Variants in ANO3 observed in about 807,000 individuals in gnomAD.
ANO3 encodes anoctamin 3.
ANO3 carries 99 observed loss-of-function variants against 144.8 expected under a neutral mutation model. The ratio of observed to expected loss-of-function variants is 0.68; its 90% confidence interval spans 0.58 to 0.81. The LOEUF (loss-of-function observed/expected upper bound fraction) is 0.81. ANO3 is among the 30% of genes least tolerant of loss of function. ANO3 has a pLI of 0.00. For synonymous variants in ANO3, 414 were observed against 392.6 expected, an observed-to-expected ratio of 1.05 and a Z score of -0.64; for missense variants, 905 against 1,202.2, an observed-to-expected ratio of 0.75 and a Z score of 3.66.
chr11:26,532,832 C>T (rs982825418), intron 8 of ANO3, among the ~76,000 whole-genome samples: 1 of 151,888 alleles, frequency 6.6e-6, no homozygotes, highest in African/African-American at 2.4e-5. Context: ...CATTTTCTAT[C>T]CCAGTATACA....
intron 1 of ANO3, among the ~76,000 whole-genome samples, chr11:26,273,783 G>C (rs1853500050): frequency 6.6e-6 from 1 of 152,072 alleles, no homozygotes; most frequent in South Asian, 2.1e-4. Flanking sequence ...TGATGGAGAT[G>C]ACTGCTTCCA....
At chr11:26,266,909 G>A (rs193240139) in intron 1 of ANO3, among the ~76,000 whole-genome samples, 3,040 of 150,090 alleles carry the variant, frequency 0.02, 47 homozygotes, top group South Asian at 0.041. Context: ...GTGAAACCCC[G>A]TCTCTACTAA....
chr11:26,600,692 A>G (rs999001447), intron 17 of ANO3, among the ~76,000 whole-genome samples: 5 of 133,134 alleles, frequency 3.8e-5, no homozygotes, highest in African/African-American at 1.2e-4. Context: ...TTCTCTTTGC[A>G]TGCCTGCTCT....
intron 17 of ANO3, among the ~76,000 whole-genome samples, chr11:26,609,438 G>A (rs559298667): frequency 3.4e-4 from 51 of 151,608 alleles, no homozygotes; most frequent in African/African-American, 1.1e-3. Context: ...TATCCTGCAG[G>A]TGCAGGATAT....
At chr11:26,430,313 T>C (rs1308907979) in intron 1 of ANO3, among the ~76,000 whole-genome samples, 2 of 151,972 alleles carry the variant, frequency 1.3e-5, no homozygotes, top group African/African-American at 2.4e-5. Flanking sequence ...TATGTATGTG[T>C]CTACGTATGT....
chr11:26,189,915 G>A (rs1381559344), intron 1 of ANO3, among the ~76,000 whole-genome samples: 1 of 152,044 alleles, frequency 6.6e-6, no homozygotes, highest in Non-Finnish European at 1.5e-5. Flanking sequence ...TTTTGTTCTT[G>A]CTCTGCAGGT....
chr11:26,624,442 T>C lies in ANO3; in HGVS notation c.1837-20T>C. On this transcript the variant is annotated intron_variant, in intron 17 of 26. Coordinates refer to ENST00000256737, the MANE Select transcript of ANO3 (RefSeq NM_031418.4). ...CAAAAGAGAGGAATAATGTTCACTA[T>C]GTATTCTCTTTTATTACAGGCTTAT... The C allele has an allele frequency of 6.4e-7, 1 of 1,573,896 alleles. No homozygotes were observed. Among genetic ancestry groups the C allele is most frequent in the East Asian group, 2.2e-5 (1 of 44,516 alleles).
rs199891439 is a variant in ANO3 at position 26,660,340 on chromosome 11, C to T, written c.2842C>T (p.Arg948Ter). 16 of 1,613,408 alleles carry T rather than the reference C, an allele frequency of 9.9e-6. No homozygotes were observed. Among genetic ancestry groups the T allele is most frequent in the Admixed American group, 3.3e-5 (2 of 59,944 alleles). The change falls in exon 27 of 27, where the codon CGA (arginine) becomes TGA (stop). Residue 948 changes from arginine to a stop codon, truncating the protein, a stop_gained. Transcript: ENST00000256737. LOFTEE classifies it high-confidence loss of function. Reference sequence around the variant, plus strand: ...AAAGGGTCTACATGACCGAATACGACGAGAGAAGTACTTAGTTCAAGAAAT... The same window carrying T: ...AAAGGGTCTACATGACCGAATACGATGAGAGAAGTACTTAGTTCAAGAAAT... ...VPKGLHDRIR[R>*]EKYLVQEMMY...
chr11:26,530,555 T>TAA (rs72561877), intron 7 of ANO3, among the ~76,000 whole-genome samples: 84,201 of 143,674 alleles, frequency 0.59, 25,373 homozygotes, highest in East Asian at 0.83. Context: ...ATTTTGCGCT[T>TAA]AAAAAAAAAA....
At chr11:26,542,100 A>C in intron 11 of ANO3, 32 bp downstream of exon 11, 1 of 1,602,118 alleles carries the variant, frequency 6.2e-7, no homozygotes, top group South Asian at 1.1e-5. Context: ...TGAAAAGCAA[A>C]GTATTCTGTT....
rs150589716 is a variant in ANO3, at chr11:26,406,333, T to C, written c.47-35585T>C. ...CATAGCCCTCATGACTTAATCAACT[T>C]CCAAAGGTCACACTCCTTAATACTG... is the stretch of plus-strand genomic sequence containing the variant. On this transcript the variant is annotated intron_variant, in intron 1 of 26. Transcript: ENST00000256737. 8.6e-5 allele frequency among the ~76,000 whole-genome samples: 13 copies of C among 151,868 alleles called. No homozygotes were observed. In the East Asian group the frequency reaches 2.0e-3, roughly 23 times the overall value.
chr11:26,312,485 T>G (rs1854523046), intron 1 of ANO3, among the ~76,000 whole-genome samples: 1 of 152,210 alleles, frequency 6.6e-6, no homozygotes, highest in African/African-American at 2.4e-5. Context: ...TTCCTATTTC[T>G]CCACATCCTC....
chr11:26,475,649 CA>C (rs953344419), intron 4 of ANO3, among the ~76,000 whole-genome samples: 1 of 151,884 alleles, frequency 6.6e-6, no homozygotes, highest in Non-Finnish European at 1.5e-5. Flanking sequence ...GAAAACTTTT[CA>C]AAAGTATGTG....
intron 1 of ANO3, among the ~76,000 whole-genome samples, chr11:26,253,562 T>TAA (rs11452342): frequency 1.0e-4 from 14 of 134,150 alleles, no homozygotes; most frequent in East Asian, 6.4e-4. Context: ...AAAATAAACT[T>TAA]AAAAAAAAAA....
intron 14 of ANO3, 138 bp downstream of exon 14, chr11:26,559,917 A>G (rs563616322): frequency 1.5e-6 from 1 of 650,568 alleles, no homozygotes; most frequent in Non-Finnish European, 2.7e-6. Flanking sequence ...TTGGTACTTG[A>G]TTTGTTTGCT....
intron 14 of ANO3, among the ~76,000 whole-genome samples, chr11:26,591,172 G>A (rs759311629): frequency 7.2e-5 from 11 of 152,134 alleles, no homozygotes; most frequent in Non-Finnish European, 1.3e-4. Context: ...GGAATTCTTA[G>A]TCAGCCTAGG....
At chr11:26,439,663 A>T (rs1858442085) in intron 1 of ANO3, among the ~76,000 whole-genome samples, 1 of 152,232 alleles carries the variant, frequency 6.6e-6, no homozygotes, top group South Asian at 2.1e-4. Context: ...AACTCCGAAA[A>T]GTCTGGGATA....
chr11:26,495,269 AT>A (rs57546253), intron 4 of ANO3, among the ~76,000 whole-genome samples: 26,809 of 120,692 alleles, frequency 0.22, 2,875 homozygotes, highest in South Asian at 0.29. Context: ...CGGCTGGCTG[AT>A]TTTTTTTTTT....
chr11:26,580,553 G>T (rs969410807), intron 14 of ANO3, among the ~76,000 whole-genome samples: 3 of 152,138 alleles, frequency 2.0e-5, no homozygotes, highest in African/African-American at 7.2e-5. Flanking sequence ...TACCACTCCT[G>T]AATAGAGAGC....
Sources: allele counts gnomAD v4.1 joint callset (sites outside exome capture counted in the v4.1 genomes callset), GRCh38; gene constraint gnomAD v4.1.1; transcripts MANE v1.5; gene names NCBI Gene and HGNC (gene_info 2026-07-23, HGNC 2026-07-21).